Variants in PPP2R2C observed in about 807,000 individuals in gnomAD.
The protein encoded by PPP2R2C is protein phosphatase 2, regulatory subunit B, gamma.
In PPP2R2C, 10 loss-of-function variants were observed where a neutral mutation model predicts 45.3. That is an observed-to-expected ratio of 0.22 (90% CI 0.14 to 0.37). The LOEUF (loss-of-function observed/expected upper bound fraction) is 0.37. PPP2R2C is among the 10% of genes least tolerant of loss of function. PPP2R2C has a pLI of 1.00. For synonymous variants in PPP2R2C, 257 were observed against 245.4 expected (o/e 1.05, Z -0.44); for missense variants, 308 against 619.7 (o/e 0.50, Z 5.34).
intron 1 of PPP2R2C, among the ~76,000 whole-genome samples, chr4:6,440,623 G>C (rs577496512): frequency 2.6e-5 from 4 of 152,368 alleles, no homozygotes; most frequent in African/African-American, 9.6e-5. Context: ...GACCCTGGCA[G>C]CCTTGGTGCT....
At chr4:6,519,362 G>A (rs567218135) in intron 2 of PPP2R2C, among the ~76,000 whole-genome samples, 5 of 152,328 alleles carry the variant, frequency 3.3e-5, no homozygotes, top group African/African-American at 1.2e-4. Flanking sequence ...GGTATGAGGA[G>A]GGAGAACAGA....
At chr4:6,401,667 A>G (rs558210699) in intron 1 of PPP2R2C, among the ~76,000 whole-genome samples, 1 of 152,274 alleles carries the variant, frequency 6.6e-6, no homozygotes, top group African/African-American at 2.4e-5. Context: ...GCCCTCTGTC[A>G]TCACAATTTT....
At chr4:6,496,567 A>G (rs1407597847) in intron 2 of PPP2R2C, among the ~76,000 whole-genome samples, 1 of 152,234 alleles carries the variant, frequency 6.6e-6, no homozygotes, top group Non-Finnish European at 1.5e-5. Context: ...TCTGTGCGTT[A>G]AAGTCTGTGA....
At chr4:6,323,714 T>A (rs971941835) in intron 8 of PPP2R2C, 121 bp from the exon 9 acceptor site, 38 of 1,063,206 alleles carry the variant, frequency 3.6e-5, no homozygotes, top group Non-Finnish European at 4.5e-5. Context: ...GGTGGGAGGA[T>A]TGCTTCAGCC....
At chr4:6,383,032 T>G in intron 1 of PPP2R2C, 1 of 1,080,794 alleles carries the variant, frequency 9.3e-7, no homozygotes, top group Non-Finnish European at 1.1e-6. Flanking sequence ...TGACCTGTTC[T>G]CTGCCCCCCA....
At position 6,378,685 on chromosome 4, in the gene PPP2R2C, G is replaced by A; in HGVS notation, c.169-113C>T. 8.6e-7 allele frequency: 1 copy of A among 1,157,142 alleles called. No individual in the cohort carries two copies. Among genetic ancestry groups the A allele is most frequent in the South Asian group, 1.5e-5 (1 of 67,424 alleles). The allele number at this position is 1,157,142 out of a possible 1,614,324, so 71.7% of individuals were successfully genotyped here. A position where few individuals can be genotyped will look rare whatever the true frequency, so the allele number is the denominator to read the frequency against. On this transcript the variant is annotated intron_variant, in intron 2 of 8. Coordinates refer to ENST00000382599, the MANE Select transcript of PPP2R2C (RefSeq NM_020416.4). This position sits in a 1 kb window ranked among gnomAD's most constrained non-coding sequence, Gnocchi z 5.2. Reference sequence around the variant, plus strand: ...GGGACCAAGTGCCGAGCCGTGCCAGGGATCCAATTCGAGGGTCAAATGAAA... The same window carrying A: ...GGGACCAAGTGCCGAGCCGTGCCAGAGATCCAATTCGAGGGTCAAATGAAA...
chr4:6,475,015 A>G (rs1399904537), upstream of PPP2R2C, among the ~76,000 whole-genome samples: 3 of 152,180 alleles, frequency 2.0e-5, no homozygotes, highest in African/African-American at 7.2e-5. Flanking sequence ...TTGAGCATCT[A>G]CTATGTGTAG....
rs1003966098 is a variant in PPP2R2C at position 6,331,053 on chromosome 4, T to C, written c.961-1700A>G. On this transcript the variant is annotated intron_variant, in intron 7 of 8. Transcript: ENST00000382599. The surrounding 1 kb of genome is among the most constrained non-coding windows in gnomAD (Gnocchi z 5.9). ...TTGGGCACAGGGTACTGGCTCAGTATGTGTAACAACTAAAATCAAGGGGGA... is the reference window on the plus strand; with the variant it reads ...TTGGGCACAGGGTACTGGCTCAGTACGTGTAACAACTAAAATCAAGGGGGA... 3.3e-5 allele frequency among the ~76,000 whole-genome samples: 5 copies of C among 152,320 alleles called. 1 individual carries two copies. Among genetic ancestry groups the C allele is most frequent in the South Asian group, 4.1e-4 (2 of 4,824 alleles).
chr4:6,335,180 C>A (rs530126260), intron 6 of PPP2R2C, among the ~76,000 whole-genome samples: 2 of 152,254 alleles, frequency 1.3e-5, no homozygotes, highest in Non-Finnish European at 2.9e-5. Flanking sequence ...TGTTCCTGTG[C>A]AGCCAACATT....
At chr4:6,354,160 G>A (rs1712916335) in intron 5 of PPP2R2C, among the ~76,000 whole-genome samples, 1 of 150,984 alleles carries the variant, frequency 6.6e-6, no homozygotes, top group Non-Finnish European at 1.5e-5. Flanking sequence ...CCGTGCCCAA[G>A]CTCAGCTAGA....
chr4:6,468,987 C>T lies in PPP2R2C; in HGVS notation c.70+3173G>A, dbSNP rs1188474806. Among the ~76,000 whole-genome samples the T allele has an allele frequency of 2.0e-5, 3 of 149,106 alleles. No homozygotes were observed. The East Asian group carries it at 6.1e-4, about 30-fold the overall frequency. On this transcript the variant is annotated intron_variant, in intron 1 of 8. Coordinates refer to ENST00000382599, the MANE Select transcript of PPP2R2C (RefSeq NM_020416.4). ...CCCCATTCATGCAAAGTTCTCTGTG[C>T]CCCCAGGTGGCCTGCAGGTACACCT...
chr4:6,529,912 C>T (rs932774945), intron 2 of PPP2R2C, among the ~76,000 whole-genome samples: 4 of 152,266 alleles, frequency 2.6e-5, no homozygotes, highest in African/African-American at 4.8e-5. Flanking sequence ...GGGACAGCAG[C>T]GAATGGGAGG....
chr4:6,429,999 T>A (rs1719532031), intron 1 of PPP2R2C, among the ~76,000 whole-genome samples: 1 of 152,178 alleles, frequency 6.6e-6, no homozygotes, highest in African/African-American at 2.4e-5. Flanking sequence ...AGCAGAGGTC[T>A]GACTCCCAAC....
chr4:6,448,604 C>G (rs1345492129), intron 1 of PPP2R2C, among the ~76,000 whole-genome samples: 1 of 151,986 alleles, frequency 6.6e-6, no homozygotes, highest in African/African-American at 2.4e-5. Flanking sequence ...GGGCTGTTTC[C>G]TCACTCCCAC....
intron 5 of PPP2R2C, among the ~76,000 whole-genome samples, chr4:6,355,532 AAGAAAGCCAC>A (rs1460839469): frequency 1.3e-5 from 2 of 151,426 alleles, no homozygotes; most frequent in African/African-American, 4.9e-5. Context: ...AAAAAGAAAA[AAGAAAGCCAC>A]AGAAAGCACA....
intron 1 of PPP2R2C, chr4:6,383,951 G>T: frequency 1.0e-6 from 1 of 986,270 alleles, no homozygotes; most frequent in Non-Finnish European, 1.2e-6. Context: ...TTGAGAGAGG[G>T]TGGTTAGAAG....
Position 6,330,974 on chromosome 4 carries a change from C to G in PPP2R2C, c.961-1621G>C, listed in dbSNP as rs148401463. Among the ~76,000 whole-genome samples, 11 of 152,240 alleles carry G rather than the reference C, an allele frequency of 7.2e-5. No homozygotes were observed. The highest frequency in any genetic ancestry group is 2.6e-4 in the African/African-American group (11 of 41,540). ...TGTGTTCCTGTCTGTCTGGGACCCT[C>G]GAGGGTGAGGCCGAGGTTCTTCCTT... On this transcript the variant is annotated intron_variant, in intron 7 of 8. Coordinates refer to ENST00000382599, the MANE Select transcript of PPP2R2C (RefSeq NM_020416.4). The surrounding 1 kb of genome is among the most constrained non-coding windows in gnomAD (Gnocchi z 7.0).
intron 2 of PPP2R2C, among the ~76,000 whole-genome samples, chr4:6,489,392 G>A (rs79447074): frequency 1.0e-3 from 154 of 152,162 alleles, no homozygotes; most frequent in African/African-American, 3.5e-3. Context: ...TCCACATCGG[G>A]CTTCAGGTAA....
At chr4:6,438,341 C>T (rs1039704453) in intron 1 of PPP2R2C, among the ~76,000 whole-genome samples, 9 of 152,186 alleles carry the variant, frequency 5.9e-5, no homozygotes, top group African/African-American at 2.2e-4. Context: ...ATGCAAAATA[C>T]ACTAATGGCT....
Sources: gnomAD v4.1 joint callset for allele counts (sites outside exome capture counted in the v4.1 genomes callset) on GRCh38, gnomAD v4.1.1 for gene constraint, Gnocchi (gnomAD v3.1) non-coding constraint, MANE v1.5 for transcripts, NCBI Gene and HGNC (gene_info 2026-07-23, HGNC 2026-07-21) for gene names.